The following ADCK1 variants were observed in gnomAD, a reference collection of about 807,000 sequenced individuals.
ADCK1 encodes the protein aarF domain-containing protein kinase 1.
A neutral mutation model predicts 52.3 loss-of-function variants in ADCK1; 41 were observed. That is an observed-to-expected ratio of 0.78 (90% CI 0.61 to 1.02). ADCK1 has a LOEUF of 1.02. Ranked by LOEUF, ADCK1 falls within the 50% of genes least tolerant of loss-of-function variation. The pLI, the probability that ADCK1 is intolerant of heterozygous loss-of-function variation, is 0.00. For missense variants in ADCK1, 658 were observed against 679.5 expected, an observed-to-expected ratio of 0.97 and a Z score of 0.35; for synonymous variants, 250 against 274.6, an observed-to-expected ratio of 0.91 and a Z score of 0.89.
At chr14:77,805,987 CTTTTTTTTTTTT>C (rs530925697) in intron 1 of ADCK1, among the ~76,000 whole-genome samples, 3 of 87,676 alleles carry the variant, frequency 3.4e-5, no homozygotes, top group Admixed American at 1.4e-4. Context: ...ATTCTTACGG[CTTTTTTTTTTTT>C]TTTTTTTTTT....
At chr14:77,906,126 A>G (rs1358727162) in intron 6 of ADCK1, among the ~76,000 whole-genome samples, 2 of 152,222 alleles carry the variant, frequency 1.3e-5, no homozygotes, top group Non-Finnish European at 2.9e-5. Flanking sequence ...CTGGGATGTA[A>G]AGAAGTTAAG....
rs370053776 is a variant in ADCK1 at position 77,852,660 on chromosome 14, AATATATATATATATAT to A, written c.220-6387_220-6372del. ...CAGCCATTATTTCTTTAAATAAATA[AATATATATATATATAT>A]ATATATATATATATATATATATATA... On this transcript the variant is annotated intron_variant, in intron 3 of 10. Transcript: ENST00000238561. Among the ~76,000 whole-genome samples the A allele has an allele frequency of 2.8e-4, 9 of 31,734 alleles. 1 individual carries two copies. The highest frequency in any genetic ancestry group is 5.7e-4 in the African/African-American group (5 of 8,788). 20.8% of individuals were successfully genotyped at this position (31,734 alleles called of 152,430 possible).
intron 3 of ADCK1, among the ~76,000 whole-genome samples, chr14:77,852,683 A>ATATATATTATATATATATATAT (rs1566667364): frequency 0.048 from 4,042 of 83,826 alleles, 166 homozygotes; most frequent in Middle Eastern, 0.11. Context: ...ATATATATAT[A>ATATATATTATATATATATATAT]TATATATATA....
At chr14:77,885,769 G>A (rs2083133765) in intron 4 of ADCK1, among the ~76,000 whole-genome samples, 1 of 152,222 alleles carries the variant, frequency 6.6e-6, no homozygotes, top group Admixed American at 6.5e-5. Context: ...GCATGTGTGT[G>A]CACATGTCTG....
At chr14:77,898,447 T>C (rs2083457497) in intron 5 of ADCK1, among the ~76,000 whole-genome samples, 1 of 152,158 alleles carries the variant, frequency 6.6e-6, no homozygotes, top group Admixed American at 6.5e-5. Context: ...CACCATGGAA[T>C]ACTATGCAAC....
At chr14:77,868,610 C>T (rs964330207) in intron 4 of ADCK1, among the ~76,000 whole-genome samples, 5 of 152,126 alleles carry the variant, frequency 3.3e-5, no homozygotes, top group African/African-American at 9.7e-5. Flanking sequence ...CGTGGGGTGC[C>T]TCCCCTTTGT....
intron 4 of ADCK1, among the ~76,000 whole-genome samples, chr14:77,861,106 C>T (rs967154861): frequency 1.3e-5 from 2 of 152,196 alleles, no homozygotes; most frequent in African/African-American, 4.8e-5. Context: ...CCCTCCACCC[C>T]CTGCCGATTA....
intron 1 of ADCK1, 149 bp from the exon 2 acceptor site, chr14:77,818,819 C>G (rs1205125500): frequency 2.2e-6 from 2 of 897,130 alleles, no homozygotes; most frequent in Non-Finnish European, 3.3e-6. Context: ...AGGTATTATC[C>G]TGTTTTACAA....
intron 3 of ADCK1, among the ~76,000 whole-genome samples, chr14:77,852,424 G>C (rs2082302755): frequency 6.6e-6 from 1 of 151,692 alleles, no homozygotes; most frequent in Non-Finnish European, 1.5e-5. Flanking sequence ...TGTTTTCAGA[G>C]ATGTTGCTAT....
chr14:77,931,811 T>G, intron 10 of ADCK1, 100 bp downstream of exon 10: 181 of 1,184,328 alleles, frequency 1.5e-4, no homozygotes, highest in Non-Finnish European at 1.9e-4. Flanking sequence ...TACAGGGCCC[T>G]GCCTGAGCTT....
intron 4 of ADCK1, among the ~76,000 whole-genome samples, chr14:77,884,031 C>A (rs1486581653): frequency 7.9e-5 from 12 of 152,222 alleles, no homozygotes; most frequent in Admixed American, 7.8e-4. Flanking sequence ...GTGCTCTTGG[C>A]AGCTGTTCCT....
intron 8 of ADCK1, among the ~76,000 whole-genome samples, chr14:77,925,155 C>T (rs1345191616): frequency 6.6e-6 from 1 of 152,228 alleles, no homozygotes; most frequent in Non-Finnish European, 1.5e-5. Context: ...GTGACCTGAT[C>T]CCACATCCCA....
intron 4 of ADCK1, among the ~76,000 whole-genome samples, chr14:77,872,304 G>A (rs947293723): frequency 1.3e-5 from 2 of 152,154 alleles, no homozygotes; most frequent in African/African-American, 4.8e-5. Flanking sequence ...GAGTGTCACC[G>A]GACTCCAGAG....
At chr14:77,807,489 GCGCCACCA>G in intron 1 of ADCK1, among the ~76,000 whole-genome samples, 1 of 149,344 alleles carries the variant, frequency 6.7e-6, no homozygotes, top group East Asian at 2.0e-4. Flanking sequence ...TTACAGCCGT[GCGCCACCA>G]CGCCCAGCTA....
chr14:77,829,354 G>T (rs2081791264), intron 3 of ADCK1, among the ~76,000 whole-genome samples: 1 of 150,606 alleles, frequency 6.6e-6, no homozygotes, highest in Admixed American at 6.6e-5. Flanking sequence ...GAGTGTAGTG[G>T]TGCGATCATG....
intron 2 of ADCK1, among the ~76,000 whole-genome samples, chr14:77,819,505 T>C (rs887915051): frequency 1.1e-4 from 17 of 152,338 alleles, no homozygotes; most frequent in Non-Finnish European, 2.5e-4. Context: ...TAAATTCTAC[T>C]AGAAAACTCA....
rs147928444 is a variant in ADCK1 at position 77,932,106 on chromosome 14, T to C, written c.1400+395T>C. Among the ~76,000 whole-genome samples, 694 of 152,274 alleles carry C rather than the reference T, an allele frequency of 4.6e-3. 2 individuals are homozygous for C. Among genetic ancestry groups the C allele is most frequent in the Middle Eastern group, 0.014 (4 of 294 alleles). On this transcript the variant is annotated intron_variant, in intron 10 of 10. Coordinates refer to ENST00000238561, the MANE Select transcript of ADCK1 (RefSeq NM_020421.4). Reference sequence around the variant, plus strand: ...CTCTGTCCCCCAGGCTGGAGTACAGTGGTGTGATCTCGGCTCACTGCAACC... The same window carrying C: ...CTCTGTCCCCCAGGCTGGAGTACAGCGGTGTGATCTCGGCTCACTGCAACC...
Position 77,859,119 on chromosome 14 carries a change from C to G in ADCK1, c.263C>G (p.Ala88Gly). 6.2e-7 allele frequency: 1 copy of G among 1,612,456 alleles called. No individual in the cohort carries two copies. Residue 88 changes from alanine to glycine, a missense_variant, in exon 4 of 11, where the codon GCC becomes GGC. Transcript: ENST00000238561. Reference sequence around the variant, plus strand: ...AGGCGTCTCTGTGAGCTCTGCTGTGCCAACCGGGGCACCTTCATCAAGGTG... The same window carrying G: ...AGGCGTCTCTGTGAGCTCTGCTGTGGCAACCGGGGCACCTTCATCAAGGTG... The part of the protein sequence containing the change: ...SARRLCELCC[A>G]NRGTFIKVGQ...
At chr14:77,813,802 C>T (rs61990721) in intron 1 of ADCK1, among the ~76,000 whole-genome samples, 14,688 of 150,352 alleles carry the variant, frequency 0.098, 833 homozygotes, top group African/African-American at 0.13. Flanking sequence ...GAGTCTCATG[C>T]TGTCACCCAC....
Sources: allele counts gnomAD v4.1 joint callset (sites outside exome capture counted in the v4.1 genomes callset), GRCh38; gene constraint gnomAD v4.1.1; transcripts MANE v1.5; gene names NCBI Gene and HGNC (gene_info 2026-07-23, HGNC 2026-07-21).